Variants in PDE4D observed in about 807,000 individuals in gnomAD.
PDE4D encodes phosphodiesterase 4D, also known as 3',5'-cyclic-AMP phosphodiesterase 4D.
PDE4D carries 24 observed loss-of-function variants against 87.4 expected under a neutral mutation model. The observed-to-expected ratio is 0.27, with a 90% CI of 0.20 to 0.39. The LOEUF is 0.39. Ranked by LOEUF, PDE4D falls within the 10% of genes least tolerant of loss-of-function variation. The probability of loss-of-function intolerance (pLI) is 1.00; values close to 1 mark genes in which losing one functional copy is unlikely to be tolerated. For missense variants in PDE4D, 714 were observed against 1,041.0 expected (o/e 0.69, Z 4.32); for synonymous variants, 384 against 383.2 (o/e 1.00, Z -0.02).
At chr5:60,488,908 TAA>T (rs1001935126), upstream of PDE4D, among the ~76,000 whole-genome samples, 2 of 152,208 alleles carry the variant, frequency 1.3e-5, no homozygotes, top group African/African-American at 4.8e-5. Flanking sequence ...TTAGGAATCC[TAA>T]GAGAGAATCA....
chr5:59,852,517 G>A (rs1744833765), intron 1 of PDE4D, among the ~76,000 whole-genome samples: 1 of 152,012 alleles, frequency 6.6e-6, no homozygotes, highest in Admixed American at 6.6e-5. Flanking sequence ...GCCATGTGAG[G>A]GAGCCATCTT....
intron 1 of PDE4D, among the ~76,000 whole-genome samples, chr5:59,551,334 A>G (rs1378524133): frequency 1.3e-5 from 2 of 149,938 alleles, no homozygotes; most frequent in Non-Finnish European, 3.0e-5. Flanking sequence ...AATAAAATAT[A>G]TATCCAATGT....
intron 1 of PDE4D, among the ~76,000 whole-genome samples, chr5:59,305,366 A>T (rs114424126): frequency 0.09 from 9,849 of 108,964 alleles, 414 homozygotes; most frequent in South Asian, 0.18. Flanking sequence ...TTATTTATTT[A>T]TTTTTTTGTA....
At chr5:60,090,226 A>C (rs1241318079) in intron 2 of PDE4D, among the ~76,000 whole-genome samples, 1 of 152,166 alleles carries the variant, frequency 6.6e-6, no homozygotes, top group Non-Finnish European at 1.5e-5. Flanking sequence ...AAAACACAAC[A>C]AAATAGGAAA....
chr5:59,064,869 A>C (rs1467514957), intron 5 of PDE4D, among the ~76,000 whole-genome samples: 1 of 152,080 alleles, frequency 6.6e-6, no homozygotes, highest in Non-Finnish European at 1.5e-5. Context: ...AGTTGTAGAA[A>C]TGTCCAGAGG....
chr5:59,393,807 A>C (rs887224323), intron 1 of PDE4D, among the ~76,000 whole-genome samples: 5 of 151,864 alleles, frequency 3.3e-5, no homozygotes, highest in African/African-American at 1.2e-4. Context: ...TCAAGAAAGT[A>C]ACAGGTGGTT....
intron 11 of PDE4D, among the ~76,000 whole-genome samples, chr5:58,982,850 G>T: frequency 6.6e-6 from 1 of 152,122 alleles, no homozygotes; most frequent in South Asian, 2.1e-4. Context: ...CTACAGAATG[G>T]GTCATCCTAT....
chr5:60,494,033 G>A (rs1749682925), intron 1 of PDE4D, among the ~76,000 whole-genome samples: 2 of 152,176 alleles, frequency 1.3e-5, no homozygotes, highest in South Asian at 2.1e-4. Flanking sequence ...AAAATCAAAT[G>A]TGAGGCTTAT....
intron 1 of PDE4D, among the ~76,000 whole-genome samples, chr5:59,228,765 C>A (rs539434611): frequency 6.6e-6 from 1 of 152,274 alleles, no homozygotes; most frequent in East Asian, 1.9e-4. Context: ...GACCTGGTCC[C>A]TGGTGCCTCT....
At chr5:60,127,231 C>T (rs552477076) in intron 2 of PDE4D, among the ~76,000 whole-genome samples, 4 of 152,214 alleles carry the variant, frequency 2.6e-5, no homozygotes, top group Admixed American at 1.3e-4. Flanking sequence ...AGAAAGGAGG[C>T]TGGAGACAAG....
At chr5:60,156,852 G>T (rs556545674) in intron 2 of PDE4D, among the ~76,000 whole-genome samples, 1 of 152,060 alleles carries the variant, frequency 6.6e-6, no homozygotes, top group African/African-American at 2.4e-5. Context: ...CCTAACTCAT[G>T]ATGCTTATAT....
intron 2 of PDE4D, among the ~76,000 whole-genome samples, chr5:60,004,732 A>G (rs935193960): frequency 6.6e-5 from 10 of 152,184 alleles, no homozygotes; most frequent in South Asian, 2.1e-4. Context: ...GTTCACCATC[A>G]TTAATCACCA....
chr5:59,917,817 A>T (rs1338286971), intron 3 of PDE4D, among the ~76,000 whole-genome samples: 1 of 152,130 alleles, frequency 6.6e-6, no homozygotes, highest in East Asian at 1.9e-4. Flanking sequence ...ATTTAATATA[A>T]CCTAATATTC....
intron 1 of PDE4D, among the ~76,000 whole-genome samples, chr5:60,512,835 G>A (rs573881978): frequency 6.6e-6 from 1 of 152,168 alleles, no homozygotes; most frequent in East Asian, 1.9e-4. Context: ...AAAAAACGAG[G>A]AGTCAAAAAG....
intron 1 of PDE4D, among the ~76,000 whole-genome samples, chr5:59,460,039 A>C (rs923854230): frequency 3.9e-5 from 6 of 152,312 alleles, no homozygotes; most frequent in African/African-American, 1.4e-4. Context: ...AGAAGACATT[A>C]AATGTGAAAA....
intron 1 of PDE4D, among the ~76,000 whole-genome samples, chr5:59,764,709 G>A (rs1252094303): frequency 7.6e-6 from 1 of 132,410 alleles, no homozygotes; most frequent in Non-Finnish European, 1.5e-5. Flanking sequence ...AGGCTGGAGT[G>A]CAGTGGCACA....
At chr5:60,299,153 T>C (rs1753673653) in intron 1 of PDE4D, among the ~76,000 whole-genome samples, 1 of 152,168 alleles carries the variant, frequency 6.6e-6, no homozygotes. Flanking sequence ...AATTTTAGGT[T>C]CAAAATAGCT....
At chr5:59,706,504 C>G (rs1227953477) in intron 1 of PDE4D, among the ~76,000 whole-genome samples, 2 of 152,130 alleles carry the variant, frequency 1.3e-5, no homozygotes, top group African/African-American at 4.8e-5. Context: ...ATCTGACATT[C>G]TGTGCTCAAA....
At chr5:59,172,140 T>C (rs1783041006) in intron 5 of PDE4D, among the ~76,000 whole-genome samples, 1 of 95,322 alleles carries the variant, frequency 1.0e-5, no homozygotes, top group Non-Finnish European at 1.8e-5. Context: ...ATATAATAAA[T>C]ATATAATATT....
Sources: allele counts gnomAD v4.1 joint callset (sites outside exome capture counted in the v4.1 genomes callset), GRCh38; gene constraint gnomAD v4.1.1; transcripts MANE v1.5; gene names NCBI Gene and HGNC (gene_info 2026-07-23, HGNC 2026-07-21).